The following ZNF566 variants were observed in gnomAD, a reference collection of about 807,000 sequenced individuals.
ZNF566 encodes the protein zinc finger protein 566.
A neutral mutation model predicts 32.8 loss-of-function variants in ZNF566; 27 were observed. The observed-to-expected ratio is 0.82, with a 90% CI of 0.61 to 1.14. The LOEUF (loss-of-function observed/expected upper bound fraction) is 1.14. Ranked by LOEUF, ZNF566 falls within the 50% of genes most tolerant of loss-of-function variation. The pLI, the probability that ZNF566 is intolerant of heterozygous loss-of-function variation, is 0.00. For missense variants in ZNF566, 402 were observed against 490.4 expected (o/e 0.82, Z 1.70); for synonymous variants, 154 against 159.5 (o/e 0.97, Z 0.26).
Position 36,468,078 on chromosome 19 carries a change from C to T in ZNF566, c.232+4833G>A, listed in dbSNP as rs185514135. 5.3e-4 allele frequency among the ~76,000 whole-genome samples: 79 copies of T among 147,980 alleles called. No homozygotes were observed. In the East Asian group the frequency reaches 0.015, roughly 28 times the overall value. ...CGCATGCCTGTAATCCCAGCTACTTCGGAGGCTGAGGCAGAAGAATCACTT... is the reference window on the plus strand; with the variant it reads ...CGCATGCCTGTAATCCCAGCTACTTTGGAGGCTGAGGCAGAAGAATCACTT... On this transcript the variant is annotated intron_variant, in intron 4 of 4. Coordinates refer to ENST00000452939, the MANE Select transcript of ZNF566 (RefSeq NM_001145344.1).
chr19:36,452,947 G>C (rs963817179), intron 4 of ZNF566, among the ~76,000 whole-genome samples: 4 of 151,862 alleles, frequency 2.6e-5, no homozygotes, highest in African/African-American at 9.7e-5. Flanking sequence ...GTGAAACCCT[G>C]TCTCTACTAA....
At chr19:36,469,398 G>C (rs1470080414) in intron 4 of ZNF566, among the ~76,000 whole-genome samples, 4 of 152,084 alleles carry the variant, frequency 2.6e-5, no homozygotes, top group Admixed American at 2.6e-4. Context: ...AAATTTGCCA[G>C]GCATGGTGGC....
rs78208603 is a variant in ZNF566, at chr19:36,473,143, C to T, written c.137-137G>A. 2.4e-3 allele frequency: 2,526 copies of T among 1,054,970 alleles called. 37 individuals are homozygous for T. The African/African-American group carries it at 0.033, about 14-fold the overall frequency. The allele number at this position is 1,054,970 out of a possible 1,614,324, so 65.4% of individuals were successfully genotyped here. ...GGTACAACGGACTTATGAAACATAA[C>T]GGAAGATGTAAAACATCCCCAAAAA... On this transcript the variant is annotated intron_variant, in intron 3 of 4. Transcript: ENST00000452939.
intron 4 of ZNF566, among the ~76,000 whole-genome samples, chr19:36,459,217 C>T (rs1338136947): frequency 6.6e-6 from 1 of 152,102 alleles, no homozygotes; most frequent in Non-Finnish European, 1.5e-5. Context: ...TGATATAGAA[C>T]CCTAATAAAA....
At chr19:36,472,620 T>G (rs1331558578) in intron 4 of ZNF566, among the ~76,000 whole-genome samples, 1 of 151,996 alleles carries the variant, frequency 6.6e-6, no homozygotes, top group Non-Finnish European at 1.5e-5. Flanking sequence ...CAAAGGAGGA[T>G]GAGAAGCTAG....
At chr19:36,465,350 C>T (rs1472331036) in intron 4 of ZNF566, among the ~76,000 whole-genome samples, 1 of 152,212 alleles carries the variant, frequency 6.6e-6, no homozygotes, top group African/African-American at 2.4e-5. Context: ...ACACCAAGAT[C>T]CTGCAATGGT....
intron 4 of ZNF566, among the ~76,000 whole-genome samples, chr19:36,466,415 G>A (rs551318300): frequency 6.6e-6 from 1 of 152,322 alleles, no homozygotes; most frequent in Non-Finnish European, 1.5e-5. Flanking sequence ...TCAACCAACT[G>A]TGAGTCTCAA....
At chr19:36,464,266 GAC>G (rs1256037662) in intron 4 of ZNF566, among the ~76,000 whole-genome samples, 1 of 152,138 alleles carries the variant, frequency 6.6e-6, no homozygotes, top group Non-Finnish European at 1.5e-5. Context: ...CTGAATATAT[GAC>G]AGAGGAGCAT....
chr19:36,459,639 T>A (rs1483251392), intron 4 of ZNF566, among the ~76,000 whole-genome samples: 3 of 151,592 alleles, frequency 2.0e-5, no homozygotes, highest in African/African-American at 7.3e-5. Context: ...GCCTCCTGAG[T>A]AGCTGGGATT....
chr19:36,459,819 CTTT>C (rs77529506), intron 4 of ZNF566, among the ~76,000 whole-genome samples: 9 of 135,222 alleles, frequency 6.7e-5, no homozygotes, highest in South Asian at 2.4e-4. Flanking sequence ...CCACCTATTA[CTTT>C]TTTTTTTTTT....
At chr19:36,463,788 C>T (rs1030644041) in intron 4 of ZNF566, among the ~76,000 whole-genome samples, 40 of 151,510 alleles carry the variant, frequency 2.6e-4, no homozygotes, top group Non-Finnish European at 4.7e-4. Context: ...TGCAGTGGCA[C>T]GATCTCGGTT....
At chr19:36,480,655 G>A (rs1370289326) in intron 1 of ZNF566, among the ~76,000 whole-genome samples, 1 of 124,206 alleles carries the variant, frequency 8.1e-6, no homozygotes. Context: ...CACCCAACTG[G>A]AAAAAAAAAA....
rs2145630250 is a variant in ZNF566, at chr19:36,449,458, T to A, written c.776A>T (p.Glu259Val). 1 of 1,613,942 alleles carries A rather than the reference T, an allele frequency of 6.2e-7. No homozygotes were observed. Among genetic ancestry groups the A allele is most frequent in the East Asian group, 2.2e-5 (1 of 44,836 alleles). The change falls in exon 5 of 5, where the codon GAA becomes GTA. Residue 259 changes from glutamate to valine, a missense_variant. This residue lies in a region of ZNF566 where 135 missense variants were observed against 210.0 expected (regional missense o/e 0.64). Transcript: ENST00000452939. ...ACCACTACTAAAGGCTTTCCCACAT[T>A]CCTTACATTCATAGGGTTTCTCACC... ...HTGEKPYECK[E>V]CGKAFSSGSN...
chr19:36,475,373 T>G (rs888574252), intron 2 of ZNF566, among the ~76,000 whole-genome samples: 16 of 152,020 alleles, frequency 1.1e-4, no homozygotes, highest in Non-Finnish European at 2.2e-4. Context: ...CTTAGTGAGG[T>G]GTGAGAGCTT....
At chr19:36,462,303 T>C (rs1223662263) in intron 4 of ZNF566, among the ~76,000 whole-genome samples, 1 of 152,130 alleles carries the variant, frequency 6.6e-6, no homozygotes, top group East Asian at 1.9e-4. Context: ...TTGGGTTTTT[T>C]GAACTTGAAC....
At chr19:36,485,083 T>G (rs1274451007) in intron 1 of ZNF566, among the ~76,000 whole-genome samples, 1 of 152,014 alleles carries the variant, frequency 6.6e-6, no homozygotes, top group East Asian at 1.9e-4. Context: ...ACATCATTTC[T>G]GTGATCTTCT....
intron 4 of ZNF566, among the ~76,000 whole-genome samples, chr19:36,455,559 T>G (rs111308731): frequency 4.0e-5 from 6 of 151,050 alleles, no homozygotes. Context: ...CGGGCCAACA[T>G]GGCAACATCC....
intron 3 of ZNF566, 83 bp from the exon 4 acceptor site, chr19:36,473,089 A>G: frequency 7.7e-7 from 1 of 1,302,586 alleles, no homozygotes; most frequent in Middle Eastern, 2.0e-4. Flanking sequence ...ATAAAGAAAG[A>G]CATGGCATTA....
intron 1 of ZNF566, 141 bp downstream of exon 1, chr19:36,489,345 C>A: frequency 4.2e-6 from 1 of 235,864 alleles, no homozygotes; most frequent in African/African-American, 2.3e-5. Context: ...CAAGGGCAGC[C>A]TGTCACAATC....
Sources: allele counts gnomAD v4.1 joint callset (sites outside exome capture counted in the v4.1 genomes callset), GRCh38; gene constraint gnomAD v4.1.1; regional missense constraint gnomAD v4.1.1; transcripts MANE v1.5; gene names NCBI Gene and HGNC (gene_info 2026-07-23, HGNC 2026-07-21).